The following ARHGEF1 variants were observed in gnomAD, a reference collection of about 807,000 sequenced individuals.
The protein encoded by ARHGEF1 is 115 kDa guanine nucleotide exchange factor.
Under a neutral mutation model 119.7 loss-of-function variants are expected in ARHGEF1, and 40 were observed. The ratio of observed to expected loss-of-function variants is 0.33; its 90% CI spans 0.26 to 0.44. ARHGEF1 has a LOEUF of 0.44. Ranked by LOEUF, ARHGEF1 falls within the 20% of genes least tolerant of loss-of-function variation. The pLI is 1.00. For synonymous variants in ARHGEF1, 494 were observed against 521.0 expected (o/e 0.95, Z 0.71); for missense variants, 976 against 1,268.3 (o/e 0.77, Z 3.50).
At chr19:41,909,704 C>T (rs1303900217), downstream of ARHGEF1, among the ~76,000 whole-genome samples, 1 of 152,128 alleles carries the variant, frequency 6.6e-6, no homozygotes, top group Non-Finnish European at 1.5e-5. This position sits in a 1 kb window ranked among gnomAD's most constrained non-coding sequence, Gnocchi z 5.2. Context: ...CCCTCCTCCT[C>T]GCCTCCCTTC....
rs1333384171 is a variant in ARHGEF1, at chr19:41,889,149, C to A, written c.225+284C>A. 5 of 340,132 alleles carry A rather than the reference C, an allele frequency of 1.5e-5. No individual in the cohort carries two copies. The East Asian group carries it at 2.5e-4, about 17-fold the overall frequency. 21.1% of individuals were successfully genotyped at this position (340,132 alleles called of 1,614,324 possible). ...AGAGAGTCCAGCAGCCTGGCAGAAA[C>A]CACATCCCATCCCACTCTGTGCCTG... On this transcript the variant is annotated intron_variant, in intron 4 of 28. Coordinates refer to ENST00000354532, the MANE Select transcript of ARHGEF1 (RefSeq NM_004706.4). This position sits in a 1 kb window ranked among gnomAD's most constrained non-coding sequence, Gnocchi z 4.0.
At chr19:41,918,094 C>A (rs1555852104), upstream of ARHGEF1, among the ~76,000 whole-genome samples, 1 of 151,964 alleles carries the variant, frequency 6.6e-6, no homozygotes, top group Admixed American at 6.5e-5. Flanking sequence ...GCATGCCCCC[C>A]CATCCCGGAC....
At chr19:41,884,538 C>T (rs1555844944) in intron 1 of ARHGEF1, 1 of 1,600,740 alleles carries the variant, frequency 6.2e-7, no homozygotes, top group South Asian at 1.1e-5. Context: ...TGACTCTGCA[C>T]GTCCTCCCCG....
intron 1 of ARHGEF1, among the ~76,000 whole-genome samples, chr19:41,926,074 G>A (rs2074869077): frequency 6.6e-6 from 1 of 152,112 alleles, no homozygotes; most frequent in Non-Finnish European, 1.5e-5. Context: ...TGAGTTTGCA[G>A]CTTTAGGGGA....
At chr19:41,887,700 T>A (rs1373362412) in intron 1 of ARHGEF1, among the ~76,000 whole-genome samples, 2 of 152,132 alleles carry the variant, frequency 1.3e-5, no homozygotes, top group African/African-American at 2.4e-5. Flanking sequence ...GCCTCTGGGC[T>A]GTGCCCTCAG....
chr19:41,892,170 C>T lies in ARHGEF1; in HGVS notation c.324+47C>T. On this transcript the variant is annotated intron_variant, in intron 5 of 28. Coordinates refer to ENST00000354532, the MANE Select transcript of ARHGEF1 (RefSeq NM_004706.4). The surrounding 1 kb of genome is among the most constrained non-coding windows in gnomAD (Gnocchi z 6.3). ...CCAACCCTGCAATCCCTGTTTGGGC[C>T]TGCAGAGTCACCATGCGGTCCCCAG... The T allele has an allele frequency of 1.9e-6, 3 of 1,576,592 alleles. No homozygotes were observed. The highest frequency in any genetic ancestry group is 2.6e-6 in the Non-Finnish European group (3 of 1,150,144).
At chr19:41,910,768 GAC>G (rs1309728884), downstream of ARHGEF1, among the ~76,000 whole-genome samples, 1 of 152,126 alleles carries the variant, frequency 6.6e-6, no homozygotes, top group East Asian at 1.9e-4. This position sits in a 1 kb window ranked among gnomAD's most constrained non-coding sequence, Gnocchi z 4.4. Flanking sequence ...ATGTCACACA[GAC>G]ATCAGTTCAC....
At chr19:41,895,063 G>T (rs1276529651) in intron 11 of ARHGEF1, among the ~76,000 whole-genome samples, 1 of 140,554 alleles carries the variant, frequency 7.1e-6, no homozygotes, top group Non-Finnish European at 1.5e-5. Flanking sequence ...AGGAGGAAGG[G>T]CTGGGCCTAG....
Position 41,895,500 on chromosome 19 carries a change from G to A in ARHGEF1, c.1015+14G>A. On this transcript the variant is annotated intron_variant, in intron 12 of 28. Coordinates refer to ENST00000354532, the MANE Select transcript of ARHGEF1 (RefSeq NM_004706.4). The stretch of plus-strand genomic sequence containing the variant: ...ACCGGGAACCAGGTGAGAGTTTCCT[G>A]GGCCAGGGCTCCATGAGGCCCGGCG... 6.3e-7 allele frequency: 1 copy of A among 1,581,580 alleles called. No individual in the cohort carries two copies. The highest frequency in any genetic ancestry group is 1.1e-5 in the South Asian group (1 of 90,270).
In ARHGEF1 at chr19:41,914,551, T is replaced by C. The variant is rs575827948; in HGVS notation, c.1865+7748T>C. On this transcript the variant is annotated intron_variant, in intron 18 of 20. Transcript: ENST00000599589. ...CCCATCTCTGCTATCCGTCTTTCCCTCCCCTTCCACCATCTCTGTCTCCGT... is the reference window on the plus strand; with the variant it reads ...CCCATCTCTGCTATCCGTCTTTCCCCCCCCTTCCACCATCTCTGTCTCCGT... 1.6e-4 allele frequency among the ~76,000 whole-genome samples: 19 copies of C among 120,836 alleles called. 1 individual carries two copies. Among genetic ancestry groups the C allele is most frequent in the African/African-American group, 5.3e-4 (16 of 30,454 alleles). 79.3% of individuals were successfully genotyped at this position (120,836 alleles called of 152,430 possible).
At chr19:41,891,966 G>T in intron 4 of ARHGEF1, 59 bp from the exon 5 acceptor site, 1 of 1,441,748 alleles carries the variant, frequency 6.9e-7, no homozygotes, top group Non-Finnish European at 9.5e-7. Context: ...TTTTCAAAGG[G>T]AGAGTGTGGT....
rs1312553723 is a variant in ARHGEF1, at chr19:41,897,990, ACCG to A, written c.1122-445_1122-443del. The A allele has an allele frequency of 2.3e-6, 3 of 1,321,174 alleles. No individual in the cohort carries two copies. The African/African-American group carries it at 4.6e-5, about 20-fold the overall frequency. The allele number at this position is 1,321,174 out of a possible 1,614,324, so 81.8% of individuals were successfully genotyped here. The stretch of plus-strand genomic sequence containing the variant: ...CGCTCAGAGAGCCTGCGGGTGAGTG[ACCG>A]CCGCCGGCCTTCCCGGGGCAGCCTC... On this transcript the variant is annotated intron_variant, in intron 13 of 28. Coordinates refer to ENST00000354532, the MANE Select transcript of ARHGEF1 (RefSeq NM_004706.4).
In ARHGEF1 at chr19:41,892,614, G is replaced by A; in HGVS notation, c.379G>A (p.Ala127Thr). The A allele has an allele frequency of 6.2e-7, 1 of 1,604,554 alleles. No individual in the cohort carries two copies. The highest frequency in any genetic ancestry group is 1.1e-5 in the South Asian group (1 of 89,474). ...GTGTGTCCCTGCAGACCGCACTAGG[G>A]CTGACCTCATCTCCGAGGATGTCCA... ...NVAFELDRTR[A>T]DLISEDVQRR... The change falls in exon 7 of 29, where the codon GCT (alanine) becomes ACT (threonine). Residue 127 changes from alanine to threonine, a missense_variant. By Grantham distance (58) the Ala-to-Thr change is moderately conservative. Coordinates refer to ENST00000354532, the MANE Select transcript of ARHGEF1 (RefSeq NM_004706.4). The surrounding 1 kb of genome is among the most constrained non-coding windows in gnomAD (Gnocchi z 6.3).
In ARHGEF1 at chr19:41,892,063, C is replaced by T. The variant is rs1373473900; in HGVS notation, c.264C>T (p.Gly88=). 1.2e-6 allele frequency: 2 copies of T among 1,613,096 alleles called. No homozygotes were observed. Among genetic ancestry groups the T allele is most frequent in the Non-Finnish European group, 1.7e-6 (2 of 1,179,348 alleles). The part of the protein sequence containing the change: ...CLHADMLGSL[G]PKEAKKAFLD... ...ATGCCGACATGCTGGGCTCACTGGG[C>T]CCCAAGGAGGCCAAGAAGGCCTTCC... Residue 88 remains glycine, a synonymous_variant, in exon 5 of 29, where the codon GGC becomes GGT. Coordinates refer to ENST00000354532, the MANE Select transcript of ARHGEF1 (RefSeq NM_004706.4). The surrounding 1 kb of genome is among the most constrained non-coding windows in gnomAD (Gnocchi z 6.3).
Position 41,906,083 on chromosome 19 carries a change from A to C in ARHGEF1, c.2491+58A>C. On this transcript the variant is annotated intron_variant, in intron 26 of 28. Coordinates refer to ENST00000354532, the MANE Select transcript of ARHGEF1 (RefSeq NM_004706.4). This position sits in a 1 kb window ranked among gnomAD's most constrained non-coding sequence, Gnocchi z 4.5. The stretch of plus-strand genomic sequence containing the variant: ...CAGCCCAAACAGTGCCTCTGTTCCA[A>C]CTAGAACAAGGCTCTCCACGTCAAA... 6.7e-7 allele frequency: 1 copy of C among 1,498,780 alleles called. No individual in the cohort carries two copies. The highest frequency in any genetic ancestry group is 1.7e-5 in the Admixed American group (1 of 59,024). The allele number at this position is 1,498,780 out of a possible 1,614,324, so 92.8% of individuals were successfully genotyped here. A position where few individuals can be genotyped will look rare whatever the true frequency, so the allele number is the denominator to read the frequency against.
upstream of ARHGEF1, among the ~76,000 whole-genome samples, chr19:41,922,718 C>G (rs549931996): frequency 6.6e-6 from 1 of 151,080 alleles, no homozygotes; most frequent in Non-Finnish European, 1.5e-5. Context: ...CCACAAGGGC[C>G]GGGGTCCAGC....
Position 41,903,635 on chromosome 19 carries a change from T to A in ARHGEF1, c.1840-72T>A. Reference sequence around the variant, plus strand: ...CAGAAGTTGGTCTTGGCTCTCATCTTACCAATGTGGGTCACTGCAGGTCAG... The same window carrying A: ...CAGAAGTTGGTCTTGGCTCTCATCTAACCAATGTGGGTCACTGCAGGTCAG... On this transcript the variant is annotated intron_variant, in intron 19 of 28. Transcript: ENST00000354532. The surrounding 1 kb of genome is among the most constrained non-coding windows in gnomAD (Gnocchi z 4.2). 6.6e-7 allele frequency: 1 copy of A among 1,526,304 alleles called. No individual in the cohort carries two copies. Among genetic ancestry groups the A allele is most frequent in the South Asian group, 1.1e-5 (1 of 88,416 alleles). The allele number at this position is 1,526,304 out of a possible 1,614,324, so 94.5% of individuals were successfully genotyped here.
intron 18 of ARHGEF1, among the ~76,000 whole-genome samples, chr19:41,913,246 C>T (rs968697008): frequency 2.0e-5 from 3 of 151,692 alleles, no homozygotes; most frequent in Non-Finnish European, 4.4e-5. Flanking sequence ...CACGCTCTCA[C>T]ACTCGCTGGC....
At position 41,892,598 on chromosome 19, in the gene ARHGEF1, T is replaced by C. The variant is rs782549688; in HGVS notation, c.368-5T>C. On this transcript the variant is annotated splice_polypyrimidine_tract_variant and splice_region_variant and intron_variant, in intron 6 of 28. Transcript: ENST00000354532. This position sits in a 1 kb window ranked among gnomAD's most constrained non-coding sequence, Gnocchi z 6.3. ...GGACCCTAGCCCCCATGTGTGTCCC[T>C]GCAGACCGCACTAGGGCTGACCTCA... 2 of 1,579,082 alleles carry C rather than the reference T, an allele frequency of 1.3e-6. No individual in the cohort carries two copies. The highest frequency in any genetic ancestry group is 8.6e-7 in the Non-Finnish European group (1 of 1,157,614).
Sources: gnomAD v4.1 joint callset for allele counts (sites outside exome capture counted in the v4.1 genomes callset) on GRCh38, gnomAD v4.1.1 for gene constraint, Gnocchi (gnomAD v3.1) non-coding constraint, MANE v1.5 for transcripts, NCBI Gene and HGNC (gene_info 2026-07-23, HGNC 2026-07-21) for gene names.